Variants in MAB21L3 observed in about 807,000 individuals in gnomAD.
MAB21L3 encodes the protein mab-21 like 3, also known as protein mab-21-like 3.
A neutral mutation model predicts 37.7 loss-of-function variants in MAB21L3; 36 were observed. The ratio of observed to expected loss-of-function variants is 0.96; its 90% CI spans 0.73 to 1.26. The LOEUF (loss-of-function observed/expected upper bound fraction) is 1.26, where lower values mean the gene tolerates loss of function less well. Ranked by LOEUF, MAB21L3 falls within the 50% of genes most tolerant of loss-of-function variation. The pLI, the probability that MAB21L3 is intolerant of heterozygous loss-of-function variation, is 0.00. For missense variants in MAB21L3, 430 were observed against 447.3 expected, an observed-to-expected ratio of 0.96 and a Z score of 0.35; for synonymous variants, 186 against 176.8, an observed-to-expected ratio of 1.05 and a Z score of -0.41.
At chr1:116,129,793 G>A (rs150645060) in intron 7 of MAB21L3, among the ~76,000 whole-genome samples, 8 of 151,910 alleles carry the variant, frequency 5.3e-5, no homozygotes, top group South Asian at 4.2e-4. Flanking sequence ...TCTTTTTTTC[G>A]CACAAAATCA....
At chr1:116,113,403 G>C (rs1659483478) in intron 3 of MAB21L3, among the ~76,000 whole-genome samples, 1 of 152,174 alleles carries the variant, frequency 6.6e-6, no homozygotes, top group Non-Finnish European at 1.5e-5. Context: ...GAAAACCTGG[G>C]ATGATAAAAA....
At chr1:116,113,609 A>G (rs78278465) in intron 3 of MAB21L3, among the ~76,000 whole-genome samples, 10,716 of 152,220 alleles carry the variant, frequency 0.07, 474 homozygotes, top group East Asian at 0.15. Flanking sequence ...CAATAGCAGA[A>G]ATCCTAAACA....
At chr1:116,125,452 T>C (rs1218500046) in intron 5 of MAB21L3, among the ~76,000 whole-genome samples, 1 of 152,246 alleles carries the variant, frequency 6.6e-6, no homozygotes, top group Non-Finnish European at 1.5e-5. Context: ...AATTAAATTA[T>C]GCTATCTCTG....
chr1:116,115,414 C>T (rs61788521), intron 3 of MAB21L3, among the ~76,000 whole-genome samples: 1 of 150,512 alleles, frequency 6.6e-6, no homozygotes. Context: ...ACATTATTAG[C>T]CCCTGAAAGA....
At chr1:116,123,343 T>C (rs888830829) in intron 4 of MAB21L3, among the ~76,000 whole-genome samples, 1 of 152,198 alleles carries the variant, frequency 6.6e-6, no homozygotes, top group Admixed American at 6.5e-5. Context: ...AAATAAGCTT[T>C]CATTTTGCCT....
At chr1:116,113,595 T>C (rs1038318396) in intron 3 of MAB21L3, among the ~76,000 whole-genome samples, 1 of 152,236 alleles carries the variant, frequency 6.6e-6, no homozygotes, top group Admixed American at 6.5e-5. Context: ...TCCCCCTGCA[T>C]TTCCAATAGC....
chr1:116,118,179 T>A (rs1024039635), intron 3 of MAB21L3, among the ~76,000 whole-genome samples: 1 of 152,074 alleles, frequency 6.6e-6, no homozygotes, highest in African/African-American at 2.4e-5. Flanking sequence ...GTCAGGAGAT[T>A]GACACCATCC....
chr1:116,124,190 G>T lies in MAB21L3; in HGVS notation c.314G>T (p.Arg105Leu). 1 of 1,614,206 alleles carries T rather than the reference G, an allele frequency of 6.2e-7. No homozygotes were observed. The highest frequency in any genetic ancestry group is 8.5e-7 in the Non-Finnish European group (1 of 1,180,034). Reference sequence around the variant, plus strand: ...GGCACCAGGCTGCCCTGCCCGTTGCGGGACCCTGAGGGTCTGCAGCAGTGG... The same window carrying T: ...GGCACCAGGCTGCCCTGCCCGTTGCTGGACCCTGAGGGTCTGCAGCAGTGG... ...LQGTRLPCPL[R>L]DPEGLQQWLE... The change falls in exon 5 of 8, where the codon CGG becomes CTG. Residue 105 changes from arginine (R) to leucine (L), a missense_variant. Coordinates refer to ENST00000369500, the MANE Select transcript of MAB21L3 (RefSeq NM_152367.3).
chr1:116,122,849 C>T (rs1659791130), intron 4 of MAB21L3, among the ~76,000 whole-genome samples: 1 of 152,212 alleles, frequency 6.6e-6, no homozygotes, highest in Non-Finnish European at 1.5e-5. Context: ...TTTGAATTCA[C>T]ATGAAAGTGA....
intron 3 of MAB21L3, among the ~76,000 whole-genome samples, chr1:116,119,155 T>C (rs775686599): frequency 6.6e-6 from 1 of 152,210 alleles, no homozygotes; most frequent in Non-Finnish European, 1.5e-5. Context: ...ATTTTTCCCA[T>C]AATAGCATCC....
In MAB21L3 at chr1:116,134,412, G is replaced by A. The variant is rs906006612; in HGVS notation, c.*1047G>A. The A allele has an allele frequency of 1.3e-5, 2 of 152,224 alleles. No individual in the cohort carries two copies. Among genetic ancestry groups the A allele is most frequent in the Non-Finnish European group, 2.9e-5 (2 of 68,046 alleles). 9.4% of individuals were successfully genotyped at this position (152,224 alleles called of 1,614,324 possible). ...AATGAACGACAGATAAACACGCACA[G>A]TTATTACAGATGGAAGCAAGTGCTT... On this transcript the variant is annotated 3_prime_UTR_variant, in exon 8 of 8. Transcript: ENST00000369500.
At position 116,111,611 on chromosome 1, in the gene MAB21L3, T is replaced by C. The variant is rs1293619057; in HGVS notation, c.-391-18T>C. On this transcript the variant is annotated intron_variant, in intron 1 of 7. Coordinates refer to ENST00000369500, the MANE Select transcript of MAB21L3 (RefSeq NM_152367.3). ...AAGGAGATCAGACCATTGTGAAATT[T>C]TTTTTTTTTTTCTGTAGTAAAACTA... The C allele has an allele frequency of 1.3e-5, 2 of 151,704 alleles. No individual in the cohort carries two copies. Among genetic ancestry groups the C allele is most frequent in the African/African-American group, 4.9e-5 (2 of 41,100 alleles). The allele number at this position is 151,704 out of a possible 1,614,324, so 9.4% of individuals were successfully genotyped here. A position where few individuals can be genotyped will look rare whatever the true frequency, so the allele number is the denominator to read the frequency against.
intron 7 of MAB21L3, among the ~76,000 whole-genome samples, chr1:116,129,226 A>T (rs1474566448): frequency 2.3e-5 from 3 of 130,534 alleles, no homozygotes; most frequent in Non-Finnish European, 4.5e-5. Flanking sequence ...CCTGACCTGG[A>T]CTGGGCAGTC....
intron 2 of MAB21L3, among the ~76,000 whole-genome samples, chr1:116,112,142 A>G (rs183497491): frequency 6.6e-6 from 1 of 152,258 alleles, no homozygotes; most frequent in East Asian, 1.9e-4. Context: ...TGTCAACAGG[A>G]TAAGGACCAG....
chr1:116,119,218 G>C (rs541126828), intron 3 of MAB21L3, among the ~76,000 whole-genome samples: 2 of 152,286 alleles, frequency 1.3e-5, no homozygotes, highest in African/African-American at 4.8e-5. Flanking sequence ...TGAATGCATG[G>C]CCGGGTCTAT....
In MAB21L3 at chr1:116,112,637, G is replaced by C. The variant is rs1433247568; in HGVS notation, c.22G>C (p.Asp8His). MKYLTVGDLEDCLLNKVD... is the reference protein window; with the variant it reads MKYLTVGHLEDCLLNKVD... ...AGCCATGAAATACCTTACTGTGGGA[G>C]ACTTAGAAGATTGCCTACTGAATAA... is the stretch of plus-strand genomic sequence containing the variant. The change falls in exon 3 of 8, where the codon GAC (aspartate) becomes CAC (histidine). Residue 8 changes from aspartate to histidine, a missense_variant. By Grantham distance (81) the Asp-to-His change is moderately conservative. Coordinates refer to ENST00000369500, the MANE Select transcript of MAB21L3 (RefSeq NM_152367.3). The C allele has an allele frequency of 6.2e-7, 1 of 1,613,446 alleles. No homozygotes were observed. Among genetic ancestry groups the C allele is most frequent in the African/African-American group, 1.3e-5 (1 of 74,788 alleles).
intron 3 of MAB21L3, 44 bp from the exon 4 acceptor site, chr1:116,120,888 C>G (rs1342750939): frequency 3.7e-6 from 6 of 1,607,360 alleles, no homozygotes; most frequent in Non-Finnish European, 5.1e-6. Flanking sequence ...ATCTTGGGGC[C>G]CACAGAGGAA....
rs534091614 is a variant in MAB21L3, at chr1:116,128,275, G to A, written c.791G>A (p.Arg264Lys). 6.2e-6 allele frequency: 10 copies of A among 1,614,080 alleles called. No homozygotes were observed. The African/African-American group carries it at 1.1e-4, about 17-fold the overall frequency. The change falls in exon 7 of 8, where the codon AGG becomes AAG. Residue 264 changes from arginine to lysine, a missense_variant. By Grantham distance (26) the Arg-to-Lys change is conservative (BLOSUM62 2). Transcript: ENST00000369500. The stretch of plus-strand genomic sequence containing the variant: ...CGTAGGAAGTGTTTTCAGGTCATGA[G>A]GCACCTGAAGGAGGACATCTGGTGC... ...GCRRKCFQVM[R>K]HLKEDIWCPG...
Position 116,112,534 on chromosome 1 carries a change from T to G in MAB21L3, c.-82T>G. On this transcript the variant is annotated 5_prime_UTR_variant, in exon 3 of 8. Coordinates refer to ENST00000369500, the MANE Select transcript of MAB21L3 (RefSeq NM_152367.3). ...GAGACTCACATTACTGGGAGTGCTA[T>G]CTACTCACAAGTGTTGCACTCCATT... 7.9e-7 allele frequency: 1 copy of G among 1,261,150 alleles called. No homozygotes were observed. Among genetic ancestry groups the G allele is most frequent in the Non-Finnish European group, 1.2e-6 (1 of 866,956 alleles). 78.1% of individuals were successfully genotyped at this position (1,261,150 alleles called of 1,614,324 possible). A position where few individuals can be genotyped will look rare whatever the true frequency, so the allele number is the denominator to read the frequency against.
Sources: allele counts gnomAD v4.1 joint callset (sites outside exome capture counted in the v4.1 genomes callset), GRCh38; gene constraint gnomAD v4.1.1; transcripts MANE v1.5; gene names NCBI Gene and HGNC (gene_info 2026-07-23, HGNC 2026-07-21).